SORT1: variants seen among roughly 807,000 people sequenced by gnomAD.
SORT1 encodes sortilin 1, also known as sortilin.
A neutral mutation model predicts 101.7 loss-of-function variants in SORT1; 39 were observed. That is an observed-to-expected ratio of 0.38 (90% CI 0.30 to 0.50). The LOEUF (loss-of-function observed/expected upper bound fraction) is 0.50. Among genes scored for constraint, SORT1 ranks in the 20% least tolerant of loss-of-function variants. SORT1 has a pLI of 0.90. For synonymous variants in SORT1, 396 were observed against 393.7 expected (o/e 1.01, Z -0.07); for missense variants, 878 against 1,040.4 (o/e 0.84, Z 2.15).
intron 10 of SORT1, among the ~76,000 whole-genome samples, chr1:109,338,738 T>TA (rs1649009390): frequency 6.6e-6 from 1 of 152,208 alleles, no homozygotes; most frequent in South Asian, 2.1e-4. Flanking sequence ...TAGTTCTATT[T>TA]ATCATAACTT....
rs1313188897 is a variant in SORT1 at position 109,312,351 on chromosome 1, CT to C, written c.*1691del. On this transcript the variant is annotated 3_prime_UTR_variant, in exon 20 of 20. Coordinates refer to ENST00000256637, the MANE Select transcript of SORT1 (RefSeq NM_002959.7). ...AAACTGCCTCAACTTTATTTTCTAA[CT>C]GAAGCTCCCTGACTCATTTCATTCT... 2 of 152,612 alleles carry C rather than the reference CT, an allele frequency of 1.3e-5. No homozygotes were observed. The highest frequency in any genetic ancestry group is 4.8e-5 in the African/African-American group (2 of 41,454). The allele number at this position is 152,612 out of a possible 1,614,324, so 9.5% of individuals were successfully genotyped here. A position where few individuals can be genotyped will look rare whatever the true frequency, so the allele number is the denominator to read the frequency against.
At chr1:109,323,579 T>C (rs111403134) in intron 14 of SORT1, among the ~76,000 whole-genome samples, 129 of 152,352 alleles carry the variant, frequency 8.5e-4, no homozygotes, top group African/African-American at 3.0e-3. Flanking sequence ...CATGTGTTCA[T>C]TGGCTTAAGG....
intron 6 of SORT1, among the ~76,000 whole-genome samples, chr1:109,349,104 T>C (rs1649801336): frequency 6.6e-6 from 1 of 152,170 alleles, no homozygotes; most frequent in South Asian, 2.1e-4. Context: ...CCAGCACTTT[T>C]GGGAGGCTGA....
chr1:109,350,454 G>A (rs542784830), intron 6 of SORT1, among the ~76,000 whole-genome samples: 10 of 152,278 alleles, frequency 6.6e-5, no homozygotes, highest in South Asian at 2.1e-4. Flanking sequence ...GAATCTCTCC[G>A]AGAAAAGTGA....
chr1:109,389,182 T>G (rs1042248530), intron 1 of SORT1, among the ~76,000 whole-genome samples: 3 of 152,214 alleles, frequency 2.0e-5, no homozygotes, highest in Non-Finnish European at 4.4e-5. Context: ...GCAGGTTTAT[T>G]AAGGAATTAT....
intron 13 of SORT1, 123 bp downstream of exon 13, chr1:109,326,869 T>C (rs533370350): frequency 4.5e-6 from 3 of 659,734 alleles, no homozygotes; most frequent in Non-Finnish European, 7.3e-6. Flanking sequence ...TAGAATCTTA[T>C]CTATAGTTCT....
chr1:109,396,207 G>A (rs1653168667), intron 1 of SORT1, among the ~76,000 whole-genome samples: 1 of 152,170 alleles, frequency 6.6e-6, no homozygotes, highest in Non-Finnish European at 1.5e-5. Context: ...AAAAACAGGA[G>A]TAAATCTAAA....
rs577690263 is a variant in SORT1 at position 109,341,480 on chromosome 1, G to A, written c.1108+534C>T. Reference sequence around the variant, plus strand: ...TCCTGCCTCAGCCTCCTGAGTAGCTGGGACTATAGGTGCTCGCCACCACGG... The same window carrying A: ...TCCTGCCTCAGCCTCCTGAGTAGCTAGGACTATAGGTGCTCGCCACCACGG... On this transcript the variant is annotated intron_variant, in intron 9 of 19. Transcript: ENST00000256637. Among the ~76,000 whole-genome samples the A allele has an allele frequency of 1.6e-3, 245 of 152,012 alleles. 2 individuals carry two copies. The highest frequency in any genetic ancestry group is 5.5e-3 in the African/African-American group (229 of 41,470).
rs1359696747 is a variant in SORT1, at chr1:109,310,723, T to G, written c.*3320A>C. The stretch of plus-strand genomic sequence containing the variant: ...AGCACTGCTCAAAGGAAAGAGGGAA[T>G]CTCTATCTGGATGGTTGGCCTGGAA... On this transcript the variant is annotated 3_prime_UTR_variant, in exon 20 of 20. Coordinates refer to ENST00000256637, the MANE Select transcript of SORT1 (RefSeq NM_002959.7). 6.6e-6 allele frequency: 1 copy of G among 152,542 alleles called. No homozygotes were observed. Among genetic ancestry groups the G allele is most frequent in the Non-Finnish European group, 1.5e-5 (1 of 68,032 alleles). The allele number at this position is 152,542 out of a possible 1,614,324, so 9.4% of individuals were successfully genotyped here. A position where few individuals can be genotyped will look rare whatever the true frequency, so the allele number is the denominator to read the frequency against.
At chr1:109,392,659 A>G in intron 1 of SORT1, 1 of 985,068 alleles carries the variant, frequency 1.0e-6, no homozygotes, top group Non-Finnish European at 1.2e-6. Flanking sequence ...TCTCATCCCA[A>G]CCAAACTTCA....
chr1:109,379,058 G>T (rs1476068873), intron 1 of SORT1, among the ~76,000 whole-genome samples: 1 of 151,572 alleles, frequency 6.6e-6, no homozygotes, highest in Non-Finnish European at 1.5e-5. Context: ...CAGAAGAATT[G>T]CTTGAACCCA....
At chr1:109,376,330 C>CAAAAA (rs35117356) in intron 1 of SORT1, among the ~76,000 whole-genome samples, 1 of 93,774 alleles carries the variant, frequency 1.1e-5, no homozygotes, top group African/African-American at 4.2e-5. Flanking sequence ...GACTCCATCT[C>CAAAAA]AAAAAAAAAA....
intron 5 of SORT1, among the ~76,000 whole-genome samples, chr1:109,353,463 C>T (rs1479442883): frequency 2.6e-5 from 4 of 152,038 alleles, no homozygotes; most frequent in Admixed American, 2.0e-4. Context: ...CAGTGCCCTT[C>T]GTCCTCCTAT....
In SORT1 at chr1:109,350,075, C is replaced by G. The variant is rs184606752; in HGVS notation, c.782+854G>C. On this transcript the variant is annotated intron_variant, in intron 6 of 19. Transcript: ENST00000256637. The stretch of plus-strand genomic sequence containing the variant: ...AGAGTAATTCCACCTCCTTCCAGCT[C>G]TCAGGCTGTAATTCTAATGCTGTTA... Among the ~76,000 whole-genome samples, 20 of 152,290 alleles carry G rather than the reference C, an allele frequency of 1.3e-4. No individual in the cohort carries two copies. The East Asian group carries it at 3.9e-3, about 29-fold the overall frequency.
chr1:109,333,680 A>G (rs143927599), intron 11 of SORT1, among the ~76,000 whole-genome samples: 23 of 152,352 alleles, frequency 1.5e-4, no homozygotes, highest in Non-Finnish European at 2.9e-4. Flanking sequence ...AGGGAAATAC[A>G]AATAAAAACC....
intron 11 of SORT1, among the ~76,000 whole-genome samples, chr1:109,335,154 T>C (rs1476030639): frequency 1.3e-5 from 2 of 151,984 alleles, no homozygotes; most frequent in African/African-American, 2.4e-5. Context: ...GTGTCAGGGA[T>C]AAGGTGAGCA....
intron 1 of SORT1, among the ~76,000 whole-genome samples, chr1:109,390,752 A>AGT (rs749381586): frequency 0.017 from 2,515 of 144,486 alleles, 27 homozygotes; most frequent in African/African-American, 0.02. Context: ...AATATTAGAA[A>AGT]GTGTGTGTGT....
rs1353086787 is a variant in SORT1, at chr1:109,326,504, TACACAC to T, written c.1643+482_1643+487del. The stretch of plus-strand genomic sequence containing the variant: ...ACACACATATATATACACACATATA[TACACAC>T]ATACACATATATATACACATATATA... On this transcript the variant is annotated intron_variant, in intron 13 of 19. Coordinates refer to ENST00000256637, the MANE Select transcript of SORT1 (RefSeq NM_002959.7). 3.7e-3 allele frequency among the ~76,000 whole-genome samples: 193 copies of T among 51,700 alleles called. 9 individuals are homozygous for T. Among genetic ancestry groups the T allele is most frequent in the African/African-American group, 9.9e-3 (188 of 19,080 alleles). The allele number at this position is 51,700 out of a possible 152,430, so 33.9% of individuals were successfully genotyped here. A position where few individuals can be genotyped will look rare whatever the true frequency, so the allele number is the denominator to read the frequency against.
chr1:109,323,075 A>G lies in SORT1; in HGVS notation c.1881T>C (p.Pro627=), dbSNP rs1477858657. The change falls in exon 15 of 20, where the codon CCT becomes CCC. Residue 627 remains proline, a synonymous_variant. Coordinates refer to ENST00000256637, the MANE Select transcript of SORT1 (RefSeq NM_002959.7). ...AAATGCAGCCATCTTCATAATCTTC[A>G]GGGTCTGTGGAGTGTGCCAGCCATA... The part of the protein sequence containing the change: ...YTIWLAHSTD[P]EDYEDGCILG... 1 of 1,614,146 alleles carries G rather than the reference A, an allele frequency of 6.2e-7. No individual in the cohort carries two copies. Among genetic ancestry groups the G allele is most frequent in the Non-Finnish European group, 8.5e-7 (1 of 1,179,994 alleles).
Sources: allele counts gnomAD v4.1 joint callset (sites outside exome capture counted in the v4.1 genomes callset), GRCh38; gene constraint gnomAD v4.1.1; transcripts MANE v1.5; gene names NCBI Gene and HGNC (gene_info 2026-07-23, HGNC 2026-07-21).